The following RAPGEF6 variants were observed in gnomAD, a reference collection of about 807,000 sequenced individuals.
RAPGEF6 encodes the protein Rap guanine nucleotide exchange factor 6.
A neutral mutation model predicts 171.4 loss-of-function variants in RAPGEF6; 56 were observed. The ratio of observed to expected loss-of-function variants is 0.33; its 90% CI spans 0.26 to 0.41. The LOEUF (loss-of-function observed/expected upper bound fraction) is 0.41, where lower values mean the gene tolerates loss of function less well. Ranked by LOEUF, RAPGEF6 falls within the 10% of genes least tolerant of loss-of-function variation. RAPGEF6 has a pLI of 1.00. For missense variants in RAPGEF6, 1,674 were observed against 1,921.4 expected (o/e 0.87, Z 2.41); for synonymous variants, 692 against 650.1 (o/e 1.06, Z -0.98).
At chr5:131,572,182 G>A (rs1414881054) in intron 4 of RAPGEF6, among the ~76,000 whole-genome samples, 1 of 152,052 alleles carries the variant, frequency 6.6e-6, no homozygotes, top group Non-Finnish European at 1.5e-5. Context: ...CGAACACCCA[G>A]GACAGGGGAA....
chr5:131,560,656 T>C (rs1761538939), intron 5 of RAPGEF6, among the ~76,000 whole-genome samples: 1 of 152,158 alleles, frequency 6.6e-6, no homozygotes, highest in Admixed American at 6.5e-5. Flanking sequence ...TTTGAAACAA[T>C]ACATACTCCA....
chr5:131,632,732 C>A (rs1392731826), intron 1 of RAPGEF6, among the ~76,000 whole-genome samples: 1 of 152,248 alleles, frequency 6.6e-6, no homozygotes, highest in South Asian at 2.1e-4. Flanking sequence ...CTTCTGAAAA[C>A]AGAAATGAAC....
At chr5:131,532,715 T>C (rs1445398950) in intron 6 of RAPGEF6, among the ~76,000 whole-genome samples, 1 of 152,164 alleles carries the variant, frequency 6.6e-6, no homozygotes, top group Non-Finnish European at 1.5e-5. Flanking sequence ...TTAGATGATA[T>C]ATGCCGTAAC....
intron 27 of RAPGEF6, among the ~76,000 whole-genome samples, chr5:131,428,273 C>A (rs1258773584): frequency 6.6e-6 from 1 of 150,728 alleles, no homozygotes; most frequent in Non-Finnish European, 1.5e-5. Flanking sequence ...ATGAGCCAGG[C>A]ATGCTGGTGT....
intron 8 of RAPGEF6, 146 bp from the exon 9 acceptor site, chr5:131,508,353 G>T: frequency 1.3e-6 from 1 of 798,928 alleles, no homozygotes; most frequent in Non-Finnish European, 1.9e-6. Context: ...CTATTTGACC[G>T]TTGATTTTTA....
chr5:131,544,319 C>T (rs746449877), intron 6 of RAPGEF6, among the ~76,000 whole-genome samples: 15 of 151,888 alleles, frequency 9.9e-5, no homozygotes, highest in Non-Finnish European at 4.4e-5. Flanking sequence ...AACAGGCAAA[C>T]AGAAACAAAT....
intron 12 of RAPGEF6, 77 bp from the exon 13 acceptor site, chr5:131,495,737 TA>T: frequency 6.6e-7 from 1 of 1,513,832 alleles, no homozygotes; most frequent in South Asian, 1.3e-5. Context: ...AAAGCATGTC[TA>T]AAACTCATGA....
chr5:131,462,273 T>C (rs144996903), intron 18 of RAPGEF6, among the ~76,000 whole-genome samples, 185 bp from the exon 19 acceptor site: 2 of 152,354 alleles, frequency 1.3e-5, no homozygotes, highest in African/African-American at 4.8e-5. Flanking sequence ...CTGTCTCTTA[T>C]TCTACCAACT....
intron 6 of RAPGEF6, among the ~76,000 whole-genome samples, chr5:131,546,716 G>A (rs1242101209): frequency 1.3e-5 from 2 of 152,128 alleles, no homozygotes; most frequent in African/African-American, 4.8e-5. Flanking sequence ...GCAGTCATTA[G>A]GAATAATGGG....
At chr5:131,467,492 C>T (rs968522483) in intron 17 of RAPGEF6, among the ~76,000 whole-genome samples, 27 of 152,180 alleles carry the variant, frequency 1.8e-4, no homozygotes, top group African/African-American at 5.8e-4. Flanking sequence ...AGAATTATTA[C>T]GTATATATTA....
chr5:131,430,621 T>C lies in RAPGEF6; in HGVS notation c.4465+238A>G, dbSNP rs189170256. On this transcript the variant is annotated intron_variant, in intron 26 of 27. Transcript: ENST00000509018. ...ACTTAAAAACAAAAGACAAACAAAC[T>C]TGTCCCTCTAATTAAATACCTTCAC... 2.3e-4 allele frequency: 147 copies of C among 642,068 alleles called. No individual in the cohort carries two copies. In the African/African-American group the frequency reaches 2.3e-3, roughly 10 times the overall value. 39.8% of individuals were successfully genotyped at this position (642,068 alleles called of 1,614,324 possible).
chr5:131,534,606 G>GTT (rs66792688), intron 6 of RAPGEF6, among the ~76,000 whole-genome samples: 90,812 of 144,736 alleles, frequency 0.63, 30,499 homozygotes, highest in Non-Finnish European at 0.77. Flanking sequence ...GCACCAATGT[G>GTT]TTTTTTTTTT....
intron 20 of RAPGEF6, among the ~76,000 whole-genome samples, chr5:131,454,326 G>C (rs995144957): frequency 2.0e-5 from 3 of 152,170 alleles, no homozygotes; most frequent in Non-Finnish European, 4.4e-5. Context: ...CCTCTCTGGA[G>C]ATATGGAACA....
chr5:131,512,002 T>C (rs1020837488), intron 7 of RAPGEF6, among the ~76,000 whole-genome samples: 4 of 152,126 alleles, frequency 2.6e-5, no homozygotes, highest in Non-Finnish European at 5.9e-5. Context: ...AGGCAGCCTA[T>C]AGCCTCATGG....
intron 1 of RAPGEF6, among the ~76,000 whole-genome samples, chr5:131,626,655 T>C (rs983660789): frequency 6.6e-6 from 1 of 152,126 alleles, no homozygotes; most frequent in African/African-American, 2.4e-5. Context: ...ATTACATTTA[T>C]GTTTTCTTAT....
At chr5:131,552,614 C>A (rs1197527152) in intron 5 of RAPGEF6, among the ~76,000 whole-genome samples, 1 of 152,042 alleles carries the variant, frequency 6.6e-6, no homozygotes, top group Non-Finnish European at 1.5e-5. Context: ...GCATGCACCA[C>A]CACGCCTGGC....
At chr5:131,440,103 G>A (rs1473702433) in intron 23 of RAPGEF6, 4 of 402,264 alleles carry the variant, frequency 9.9e-6, no homozygotes, top group Middle Eastern at 3.6e-4. Context: ...TCGGGGCGAC[G>A]CATGTGGCAG....
At chr5:131,463,249 C>G (rs1754063565) in intron 18 of RAPGEF6, among the ~76,000 whole-genome samples, 1 of 152,152 alleles carries the variant, frequency 6.6e-6, no homozygotes, top group Non-Finnish European at 1.5e-5. Context: ...TTCTAGGGAT[C>G]TTGTTCTACA....
At chr5:131,499,205 A>T (rs1301566045) in intron 11 of RAPGEF6, among the ~76,000 whole-genome samples, 1 of 152,178 alleles carries the variant, frequency 6.6e-6, no homozygotes, top group African/African-American at 2.4e-5. Context: ...CTAGGTCACC[A>T]TATTGAGAGG....
Sources: gnomAD v4.1 joint callset for allele counts (sites outside exome capture counted in the v4.1 genomes callset) on GRCh38, gnomAD v4.1.1 for gene constraint, MANE v1.5 for transcripts, NCBI Gene and HGNC (gene_info 2026-07-23, HGNC 2026-07-21) for gene names.